Variants in PXN observed in about 807,000 individuals in gnomAD.
PXN encodes the protein paxillin.
PXN carries 61 observed loss-of-function variants against 103.6 expected under a neutral mutation model. That is an observed-to-expected ratio of 0.59 (90% CI 0.48 to 0.73). The LOEUF (loss-of-function observed/expected upper bound fraction) is 0.73. Among genes scored for constraint, PXN ranks in the 30% least tolerant of loss-of-function variants. PXN has a pLI of 0.00. For synonymous variants in PXN, 562 were observed against 607.8 expected, an observed-to-expected ratio of 0.92 and a Z score of 1.11; for missense variants, 1,274 against 1,460.3, an observed-to-expected ratio of 0.87 and a Z score of 2.08.
chr12:120,214,822 C>G lies in PXN; in HGVS notation c.2748+3G>C. ...CGGGCGCGGTGCCGGATGAGGAACTCACATCCAGGATGGGGCCGTTGCAGT... is the reference window on the plus strand; with the variant it reads ...CGGGCGCGGTGCCGGATGAGGAACTGACATCCAGGATGGGGCCGTTGCAGT... On this transcript the variant is annotated splice_donor_region_variant and intron_variant, in intron 12 of 14. Transcript: ENST00000637617. This position sits in a 1 kb window ranked among gnomAD's most constrained non-coding sequence, Gnocchi z 5.0. 6.2e-7 allele frequency: 1 copy of G among 1,613,774 alleles called. No individual in the cohort carries two copies. The highest frequency in any genetic ancestry group is 8.5e-7 in the Non-Finnish European group (1 of 1,179,696).
chr12:120,256,718 G>T (rs77805903), intron 1 of PXN, among the ~76,000 whole-genome samples: 3,842 of 151,390 alleles, frequency 0.025, 115 homozygotes, highest in East Asian at 0.16. Flanking sequence ...GTTTTTTTTT[G>T]TTGTTGTTGT....
chr12:120,229,485 G>A lies in PXN; in HGVS notation c.14-5108C>T, dbSNP rs1019870547. 6.6e-6 allele frequency among the ~76,000 whole-genome samples: 1 copy of A among 152,154 alleles called. No homozygotes were observed. Among genetic ancestry groups the A allele is most frequent in the South Asian group, 2.1e-4 (1 of 4,826 alleles). On this transcript the variant is annotated intron_variant, in intron 1 of 14. Coordinates refer to ENST00000637617, the MANE Select transcript of PXN (RefSeq NM_001385981.1). The surrounding 1 kb of genome is among the most constrained non-coding windows in gnomAD (Gnocchi z 4.0). Reference sequence around the variant, plus strand: ...GGACTTTCAGTGTTACAACTTGTACGGTGAATCCTCAGTCACCTGGGCTCT... The same window carrying A: ...GGACTTTCAGTGTTACAACTTGTACAGTGAATCCTCAGTCACCTGGGCTCT...
chr12:120,249,780 GGGA>G, intron 1 of PXN: 1 of 862,932 alleles, frequency 1.2e-6, no homozygotes, highest in Non-Finnish European at 1.4e-6. Context: ...AGAGAGAAGG[GGGA>G]GGAGTTCTTG....
rs373525178 is a variant in PXN, at chr12:120,223,726, G to A, written c.348C>T (p.His116=). ...SPCSRVGEEE[H]VYSFPNKQKS... is the part of the protein sequence containing the mutation. ...GCAGACTGGGGCAGTACCTGTAGAC[G>A]TGCTCCTCCTCACCCACTCGGGAGC... Residue 116 remains histidine (H), a synonymous_variant, in exon 3 of 15, where the codon CAC becomes CAT. Coordinates refer to ENST00000637617, the MANE Select transcript of PXN (RefSeq NM_001385981.1). 7.0e-5 allele frequency: 112 copies of A among 1,589,896 alleles called. No homozygotes were observed. Among genetic ancestry groups the A allele is most frequent in the Non-Finnish European group, 9.3e-5 (109 of 1,167,386 alleles).
At chr12:120,240,002 C>T (rs1168121032) in intron 1 of PXN, among the ~76,000 whole-genome samples, 1 of 150,064 alleles carries the variant, frequency 6.7e-6, no homozygotes, top group African/African-American at 2.5e-5. Flanking sequence ...GAGTATGCAA[C>T]AAAAATGTAG....
rs1885436922 is a variant in PXN, at chr12:120,222,378, TGGCTGAA to T, written c.695+164_695+170del. 6.6e-6 allele frequency among the ~76,000 whole-genome samples: 1 copy of T among 152,240 alleles called. No individual in the cohort carries two copies. Among genetic ancestry groups the T allele is most frequent in the South Asian group, 2.1e-4 (1 of 4,836 alleles). On this transcript the variant is annotated intron_variant, in intron 5 of 14. Coordinates refer to ENST00000637617, the MANE Select transcript of PXN (RefSeq NM_001385981.1). This position sits in a 1 kb window ranked among gnomAD's most constrained non-coding sequence, Gnocchi z 4.7. ...TCTGTCCTTTCTGACTGGCAGTGAC[TGGCTGAA>T]GGCAGGGATGGTGTCCATGTGACTC...
At chr12:120,255,562 C>T (rs1892866023) in intron 1 of PXN, among the ~76,000 whole-genome samples, 1 of 151,854 alleles carries the variant, frequency 6.6e-6, no homozygotes, top group Non-Finnish European at 1.5e-5. Context: ...GGCATGGTGG[C>T]GGGCGCCTGT....
intron 1 of PXN, chr12:120,264,152 C>T (rs998654120): frequency 2.6e-5 from 4 of 152,290 alleles, no homozygotes; most frequent in Non-Finnish European, 4.4e-5. Context: ...AGGCAGGACC[C>T]TACACCAACC....
Position 120,211,810 on chromosome 12 carries a change from CTCTGCCT to C in PXN, c.*497_*503del, listed in dbSNP as rs1444197535. 7.0e-6 allele frequency: 3 copies of C among 430,480 alleles called. No individual in the cohort carries two copies. Among genetic ancestry groups the C allele is most frequent in the Non-Finnish European group, 1.4e-5 (3 of 211,832 alleles). The allele number at this position is 430,480 out of a possible 1,614,324, so 26.7% of individuals were successfully genotyped here. A position where few individuals can be genotyped will look rare whatever the true frequency, so the allele number is the denominator to read the frequency against. Reference sequence around the variant, plus strand: ...AGAACCTTCCATGGCCCCTTTGGTTCTCTGCCTTTGGATGGATGGATTTATGCTGGCA... The same window carrying C: ...AGAACCTTCCATGGCCCCTTTGGTTCTTGGATGGATGGATTTATGCTGGCA... On this transcript the variant is annotated 3_prime_UTR_variant, in exon 15 of 15. Coordinates refer to ENST00000637617, the MANE Select transcript of PXN (RefSeq NM_001385981.1).
At chr12:120,252,138 T>C (rs1892293341) in intron 1 of PXN, among the ~76,000 whole-genome samples, 1 of 152,078 alleles carries the variant, frequency 6.6e-6, no homozygotes, top group African/African-American at 2.4e-5. Flanking sequence ...AGAACTCAGG[T>C]TCTCCAGAGG....
intron 1 of PXN, among the ~76,000 whole-genome samples, chr12:120,236,419 C>T (rs1358135714): frequency 6.6e-6 from 1 of 151,818 alleles, no homozygotes; most frequent in Non-Finnish European, 1.5e-5. Flanking sequence ...CCTGGGATCC[C>T]ACCTCAGCCT....
chr12:120,212,137 A>C lies in PXN; in HGVS notation c.*177T>G, dbSNP rs1229696132. ...GAGGAGGGGGCCCAGAGGCTCTGGCAGGGGTGAAGACAAGCAGGGGGACCC... is the reference window on the plus strand; with the variant it reads ...GAGGAGGGGGCCCAGAGGCTCTGGCCGGGGTGAAGACAAGCAGGGGGACCC... On this transcript the variant is annotated 3_prime_UTR_variant, in exon 15 of 15. Coordinates refer to ENST00000637617, the MANE Select transcript of PXN (RefSeq NM_001385981.1). The surrounding 1 kb of genome is among the most constrained non-coding windows in gnomAD (Gnocchi z 7.2). The C allele has an allele frequency of 2.1e-6, 2 of 939,638 alleles. No homozygotes were observed. Among genetic ancestry groups the C allele is most frequent in the East Asian group, 4.8e-5 (2 of 41,294 alleles). The allele number at this position is 939,638 out of a possible 1,614,324, so 58.2% of individuals were successfully genotyped here. A position where few individuals can be genotyped will look rare whatever the true frequency, so the allele number is the denominator to read the frequency against.
intron 7 of PXN, among the ~76,000 whole-genome samples, chr12:120,218,169 C>T (rs1193800715): frequency 2.0e-5 from 3 of 151,674 alleles, no homozygotes; most frequent in African/African-American, 7.3e-5. Flanking sequence ...TTTAGCCTCC[C>T]CAGCAGCTGG....
chr12:120,219,453 C>T lies in PXN; in HGVS notation c.1470G>A (p.Glu490=), dbSNP rs752650686. ...GCCTCCCTGGCTCTGGCCTTGGCCT[C>T]TCCTGCTGTAGGCCATGTTCCTCCG... ...TLTEEHGLQQ[E]RPRPEPGRLG... The change falls in exon 7 of 15, where the codon GAG becomes GAA. Residue 490 remains glutamate (E), a synonymous_variant. Coordinates refer to ENST00000637617, the MANE Select transcript of PXN (RefSeq NM_001385981.1). This position sits in a 1 kb window ranked among gnomAD's most constrained non-coding sequence, Gnocchi z 6.5. 7 of 1,598,338 alleles carry T rather than the reference C, an allele frequency of 4.4e-6. No individual in the cohort carries two copies. Among genetic ancestry groups the T allele is most frequent in the Non-Finnish European group, 5.9e-6 (7 of 1,179,718 alleles).
intron 1 of PXN, among the ~76,000 whole-genome samples, chr12:120,239,398 T>C (rs1233649078): frequency 6.6e-6 from 1 of 152,114 alleles, no homozygotes; most frequent in African/African-American, 2.4e-5. Context: ...CTGGCCAGCA[T>C]GGTGAAACCC....
chr12:120,224,716 G>A lies in PXN; in HGVS notation c.14-339C>T, dbSNP rs1340045731. Reference sequence around the variant, plus strand: ...GCAGCCGCGAGTGAAGTGCCTGTCTGGAACTCTGAATCTGCAGGGCAACGC... The same window carrying A: ...GCAGCCGCGAGTGAAGTGCCTGTCTAGAACTCTGAATCTGCAGGGCAACGC... On this transcript the variant is annotated intron_variant, in intron 1 of 14. Coordinates refer to ENST00000637617, the MANE Select transcript of PXN (RefSeq NM_001385981.1). The surrounding 1 kb of genome is among the most constrained non-coding windows in gnomAD (Gnocchi z 5.0). 3.6e-6 allele frequency: 2 copies of A among 557,064 alleles called. No homozygotes were observed. Among genetic ancestry groups the A allele is most frequent in the East Asian group, 4.2e-5 (1 of 23,570 alleles). 34.5% of individuals were successfully genotyped at this position (557,064 alleles called of 1,614,324 possible). A position where few individuals can be genotyped will look rare whatever the true frequency, so the allele number is the denominator to read the frequency against.
In PXN at chr12:120,228,768, C is replaced by CTGCACCCCATG; in HGVS notation, c.14-4392_14-4391insCATGGGGTGCA. 3.3e-5 allele frequency among the ~76,000 whole-genome samples: 5 copies of CTGCACCCCATG among 152,328 alleles called. No homozygotes were observed. The highest frequency in any genetic ancestry group is 2.0e-4 in the Admixed American group (3 of 15,308). Reference sequence around the variant, plus strand: ...GGAGAACCAGAGGGGTGCACGCCCTCGCTTCCAGGGCCCTGTGCAAATGCA... The same window carrying CTGCACCCCATG: ...GGAGAACCAGAGGGGTGCACGCCCTCTGCACCCCATGGCTTCCAGGGCCCTGTGCAAATGCA... On this transcript the variant is annotated intron_variant, in intron 1 of 14. Coordinates refer to ENST00000637617, the MANE Select transcript of PXN (RefSeq NM_001385981.1). The surrounding 1 kb of genome is among the most constrained non-coding windows in gnomAD (Gnocchi z 4.7).
At position 120,216,327 on chromosome 12, in the gene PXN, G is replaced by A; in HGVS notation, c.2247C>T (p.Thr749=). ...GPALPIPAPH[T]MRSVGCQTDE... is the part of the protein sequence containing the mutation. ...CAGTCTGGCAGCCCACGGACCTCAT[G>A]GTGTGGGGTGCAGGAATGGGAAGGG... is the stretch of plus-strand genomic sequence containing the variant. The change falls in exon 9 of 15, where the codon ACC becomes ACT. Residue 749 remains threonine, a synonymous_variant. Coordinates refer to ENST00000637617, the MANE Select transcript of PXN (RefSeq NM_001385981.1). The surrounding 1 kb of genome is among the most constrained non-coding windows in gnomAD (Gnocchi z 5.1). 1 of 1,287,464 alleles carries A rather than the reference G, an allele frequency of 7.8e-7. No homozygotes were observed. The highest frequency in any genetic ancestry group is 9.8e-7 in the Non-Finnish European group (1 of 1,022,090). The allele number at this position is 1,287,464 out of a possible 1,614,324, so 79.8% of individuals were successfully genotyped here.
Position 120,220,089 on chromosome 12 carries a change from G to T in PXN, c.834C>A (p.Thr278=). The T allele has an allele frequency of 2.6e-6, 3 of 1,168,930 alleles. No homozygotes were observed. The highest frequency in any genetic ancestry group is 3.6e-6 in the Non-Finnish European group (3 of 838,524). The allele number at this position is 1,168,930 out of a possible 1,614,324, so 72.4% of individuals were successfully genotyped here. A position where few individuals can be genotyped will look rare whatever the true frequency, so the allele number is the denominator to read the frequency against. ...ELMASLSDFK[T]SSSTVALSAP... ...CACTCAGAGCCACAGTGGAGGAGCT[G>T]GTCTGGAGAAGAGAGAAATGCAGAG... The change falls in exon 7 of 15, where the codon ACC becomes ACA. Residue 278 remains threonine (T), a splice_region_variant and synonymous_variant. Coordinates refer to ENST00000637617, the MANE Select transcript of PXN (RefSeq NM_001385981.1). This position sits in a 1 kb window ranked among gnomAD's most constrained non-coding sequence, Gnocchi z 6.1.
Sources: allele counts gnomAD v4.1 joint callset (sites outside exome capture counted in the v4.1 genomes callset), GRCh38; gene constraint gnomAD v4.1.1; non-coding constraint Gnocchi (gnomAD v3.1); transcripts MANE v1.5; gene names NCBI Gene and HGNC (gene_info 2026-07-23, HGNC 2026-07-21).